GBE1: variants seen among roughly 807,000 people sequenced by gnomAD.
GBE1 encodes the protein 1,4-alpha-glucan-branching enzyme.
GBE1 carries 70 observed loss-of-function variants against 88.8 expected under a neutral mutation model. The ratio of observed to expected loss-of-function variants is 0.79; its 90% CI spans 0.65 to 0.96. The LOEUF (loss-of-function observed/expected upper bound fraction) is 0.96. GBE1 is among the 40% of genes least tolerant of loss of function. The probability of loss-of-function intolerance (pLI) is 0.00; values close to 1 mark genes in which losing one functional copy is unlikely to be tolerated. For missense variants in GBE1, 872 were observed against 871.0 expected (o/e 1.00, Z -0.01); for synonymous variants, 284 against 300.1 (o/e 0.95, Z 0.56).
chr3:81,748,203 GA>G (rs564392012), intron 1 of GBE1, among the ~76,000 whole-genome samples: 79 of 152,258 alleles, frequency 5.2e-4, no homozygotes, highest in African/African-American at 1.8e-3. Flanking sequence ...TTTCACCAAA[GA>G]AAACGTACAA....
chr3:81,747,772 A>G (rs1256440380), intron 1 of GBE1, among the ~76,000 whole-genome samples: 1 of 151,996 alleles, frequency 6.6e-6, no homozygotes, highest in Admixed American at 6.6e-5. Flanking sequence ...TCCCCCACTG[A>G]GCACCTTGTG....
intron 2 of GBE1, among the ~76,000 whole-genome samples, chr3:81,684,679 G>T (rs1705407184): frequency 6.6e-6 from 1 of 152,114 alleles, no homozygotes. Context: ...AATTTAACTA[G>T]ATTTTATGTT....
chr3:81,541,460 C>T (rs527780172), intron 12 of GBE1, among the ~76,000 whole-genome samples: 2 of 142,432 alleles, frequency 1.4e-5, no homozygotes, highest in African/African-American at 2.7e-5. Context: ...GCCCCCCCCG[C>T]CACCTCGCCC....
intron 12 of GBE1, among the ~76,000 whole-genome samples, chr3:81,549,132 C>G (rs2106890983): frequency 6.7e-6 from 1 of 148,998 alleles, no homozygotes; most frequent in African/African-American, 2.5e-5. Flanking sequence ...CTGGTTCAAG[C>G]AATTCTCCTG....
At chr3:81,535,165 A>G (rs1703058339) in intron 14 of GBE1, 30 bp downstream of exon 14, 3 of 1,567,296 alleles carry the variant, frequency 1.9e-6, no homozygotes, top group African/African-American at 2.8e-5. Context: ...GAATGTGGAC[A>G]GTCATATTCA....
chr3:81,513,387 C>T (rs1702750463), intron 14 of GBE1, among the ~76,000 whole-genome samples: 1 of 151,372 alleles, frequency 6.6e-6, no homozygotes, highest in Non-Finnish European at 1.5e-5. Context: ...AAAGGAATCA[C>T]TGTGTCGTGG....
At chr3:81,665,890 A>G (rs1285476633) in intron 3 of GBE1, among the ~76,000 whole-genome samples, 1 of 152,200 alleles carries the variant, frequency 6.6e-6, no homozygotes, top group African/African-American at 2.4e-5. Context: ...TAATACCTCA[A>G]GAAAGCATAC....
intron 1 of GBE1, among the ~76,000 whole-genome samples, chr3:81,728,991 A>G (rs1394088957): frequency 6.6e-6 from 1 of 151,888 alleles, no homozygotes; most frequent in Non-Finnish European, 1.5e-5. Context: ...CTCTGTAGAC[A>G]GCTACTCTCT....
chr3:81,695,665 T>A (rs1261448779), intron 2 of GBE1, among the ~76,000 whole-genome samples: 2 of 152,160 alleles, frequency 1.3e-5, no homozygotes, highest in East Asian at 3.8e-4. Flanking sequence ...CCTCAACTTT[T>A]AAAATATTAG....
chr3:81,629,822 T>C (rs1009467338), intron 7 of GBE1, among the ~76,000 whole-genome samples: 2 of 152,092 alleles, frequency 1.3e-5, no homozygotes, highest in South Asian at 4.2e-4. Context: ...CCCATTAACT[T>C]GTCATTTAGC....
intron 9 of GBE1, among the ~76,000 whole-genome samples, chr3:81,588,462 A>G (rs1407733024): frequency 6.6e-6 from 1 of 152,182 alleles, no homozygotes; most frequent in African/African-American, 2.4e-5. Flanking sequence ...AGAAAATATT[A>G]AGGCATGTTC....
chr3:81,761,246 G>A lies in GBE1; in HGVS notation c.143+129C>T, dbSNP rs1393499794. 5 of 1,236,444 alleles carry A rather than the reference G, an allele frequency of 4.0e-6. No homozygotes were observed. In the African/African-American group the frequency reaches 6.2e-5, roughly 15 times the overall value. The allele number at this position is 1,236,444 out of a possible 1,614,324, so 76.6% of individuals were successfully genotyped here. ...GGTTACCCGAGTCACCCCGAGCCCCGCCCACTCAGGTTCCTCCCCGCCTGG... is the reference window on the plus strand; with the variant it reads ...GGTTACCCGAGTCACCCCGAGCCCCACCCACTCAGGTTCCTCCCCGCCTGG... On this transcript the variant is annotated intron_variant, in intron 1 of 15. Coordinates refer to ENST00000429644, the MANE Select transcript of GBE1 (RefSeq NM_000158.4).
intron 2 of GBE1, among the ~76,000 whole-genome samples, chr3:81,703,242 A>G (rs1455339117): frequency 1.3e-5 from 2 of 152,060 alleles, no homozygotes; most frequent in African/African-American, 4.8e-5. Flanking sequence ...TGTAAAAGAA[A>G]AAATTATTAA....
intron 12 of GBE1, among the ~76,000 whole-genome samples, chr3:81,550,394 C>T (rs745583413): frequency 4.6e-5 from 7 of 151,380 alleles, no homozygotes; most frequent in Non-Finnish European, 1.0e-4. Flanking sequence ...TGCCCTTATT[C>T]AGCCTGAAGA....
chr3:81,569,372 A>T (rs1323462962), intron 12 of GBE1, among the ~76,000 whole-genome samples: 1 of 152,236 alleles, frequency 6.6e-6, no homozygotes, highest in East Asian at 1.9e-4. Context: ...GCAGTAATAC[A>T]TAGCAATATG....
intron 12 of GBE1, among the ~76,000 whole-genome samples, chr3:81,571,782 T>A (rs796105372): frequency 4.6e-5 from 7 of 152,282 alleles, no homozygotes; most frequent in African/African-American, 1.7e-4. Context: ...CTATACGTTA[T>A]GAAACTAAAG....
chr3:81,522,869 C>T (rs969428872), intron 14 of GBE1, among the ~76,000 whole-genome samples: 10 of 151,420 alleles, frequency 6.6e-5, no homozygotes, highest in African/African-American at 1.2e-4. Context: ...TATAAAGAGA[C>T]GACTCAGTTT....
At chr3:81,643,685 C>A (rs1704724190) in intron 6 of GBE1, among the ~76,000 whole-genome samples, 1 of 152,184 alleles carries the variant, frequency 6.6e-6, no homozygotes. Flanking sequence ...CAATTGTTTA[C>A]TGTCTCTCTT....
chr3:81,721,863 GC>G (rs34961680), intron 1 of GBE1, among the ~76,000 whole-genome samples: 2 of 152,042 alleles, frequency 1.3e-5, no homozygotes, highest in East Asian at 1.9e-4. Flanking sequence ...TGTGCTAAGT[GC>G]CCCCCAAACA....
Sources: gnomAD v4.1 joint callset for allele counts (sites outside exome capture counted in the v4.1 genomes callset) on GRCh38, gnomAD v4.1.1 for gene constraint, MANE v1.5 for transcripts, NCBI Gene and HGNC (gene_info 2026-07-23, HGNC 2026-07-21) for gene names.